Variants in CSMD1 observed in about 807,000 individuals in gnomAD.
CSMD1 encodes CUB and sushi domain-containing protein 1.
CSMD1 carries 213 observed loss-of-function variants against 417.5 expected under a neutral mutation model. The observed-to-expected ratio is 0.51, with a 90% confidence interval of 0.46 to 0.57. The LOEUF (loss-of-function observed/expected upper bound fraction) is 0.57, where lower values mean the gene tolerates loss of function less well. Ranked by LOEUF, CSMD1 falls within the 20% of genes least tolerant of loss-of-function variation. The pLI is 0.00. For synonymous variants in CSMD1, 2,862 were observed against 1,736.8 expected (o/e 1.65, Z -16.11); for missense variants, 6,923 against 4,529.7 (o/e 1.53, Z -15.17).
intron 5 of CSMD1, among the ~76,000 whole-genome samples, chr8:3,777,546 C>T (rs1255445694): frequency 1.3e-5 from 2 of 152,208 alleles, no homozygotes; most frequent in Admixed American, 6.5e-5. Flanking sequence ...GGGCTTTCTC[C>T]TCCAGGCTCC....
At chr8:3,779,202 G>C (rs1346099395) in intron 5 of CSMD1, among the ~76,000 whole-genome samples, 1 of 151,896 alleles carries the variant, frequency 6.6e-6, no homozygotes, top group Non-Finnish European at 1.5e-5. Flanking sequence ...GTATTTGAGA[G>C]GGTGAATAAG....
intron 1 of CSMD1, among the ~76,000 whole-genome samples, chr8:4,662,588 C>T (rs1322493070): frequency 6.6e-6 from 1 of 152,214 alleles, no homozygotes; most frequent in Non-Finnish European, 1.5e-5. Flanking sequence ...ATGTGCCCAA[C>T]AATGCCAGTC....
intron 6 of CSMD1, among the ~76,000 whole-genome samples, chr8:3,713,035 A>G (rs1432360126): frequency 6.6e-6 from 1 of 152,214 alleles, no homozygotes; most frequent in Non-Finnish European, 1.5e-5. Flanking sequence ...AGGTTAAAAA[A>G]AAAATTCCCC....
intron 26 of CSMD1, among the ~76,000 whole-genome samples, chr8:3,245,492 G>C (rs1428266080): frequency 2.0e-5 from 3 of 152,158 alleles, no homozygotes; most frequent in Non-Finnish European, 4.4e-5. Context: ...GTTTACAAAA[G>C]CTAAATAAGC....
At chr8:4,500,581 G>A (rs536881039) in intron 2 of CSMD1, among the ~76,000 whole-genome samples, 24 of 152,108 alleles carry the variant, frequency 1.6e-4, no homozygotes, top group Non-Finnish European at 3.1e-4. Flanking sequence ...AGAAGAACAG[G>A]ATAGCTGTTC....
intron 10 of CSMD1, among the ~76,000 whole-genome samples, chr8:3,544,740 G>A (rs1025045802): frequency 1.3e-5 from 2 of 152,062 alleles, no homozygotes; most frequent in Non-Finnish European, 2.9e-5. Flanking sequence ...CCAGGATGCT[G>A]GGTGGAGACA....
At chr8:3,308,780 A>G (rs1805097189) in intron 23 of CSMD1, among the ~76,000 whole-genome samples, 1 of 133,488 alleles carries the variant, frequency 7.5e-6, no homozygotes, top group Non-Finnish European at 1.5e-5. Context: ...CTGGAGTGCA[A>G]TGGCGTGATC....
chr8:4,761,907 CTATCAATCTAT>C (rs747791858), intron 1 of CSMD1, among the ~76,000 whole-genome samples: 6,123 of 121,516 alleles, frequency 0.05, 187 homozygotes, highest in East Asian at 0.11. Flanking sequence ...ATCTATCTAT[CTATCAATCTAT>C]CTATCTATCT....
In CSMD1 at chr8:4,629,145, T is replaced by C. The variant is rs186565744; in HGVS notation, c.302+8197A>G. On this transcript the variant is annotated intron_variant, in intron 2 of 69. Coordinates refer to ENST00000635120, the MANE Select transcript of CSMD1 (RefSeq NM_033225.6). Reference sequence around the variant, plus strand: ...ATGAAACAAAAAGCATTCCTTTACATTTATTTTGTCATATTTGAATGCATA... The same window carrying C: ...ATGAAACAAAAAGCATTCCTTTACACTTATTTTGTCATATTTGAATGCATA... Among the ~76,000 whole-genome samples, 386 of 152,312 alleles carry C rather than the reference T, an allele frequency of 2.5e-3. 2 individuals are homozygous for C. The highest frequency in any genetic ancestry group is 9.0e-3 in the African/African-American group (373 of 41,568).
chr8:4,595,742 A>G (rs1176928404), intron 2 of CSMD1, among the ~76,000 whole-genome samples: 1 of 152,160 alleles, frequency 6.6e-6, no homozygotes, highest in Non-Finnish European at 1.5e-5. Flanking sequence ...TTTCTAAAAA[A>G]CAAAGCAAAA....
chr8:3,359,022 T>A, intron 21 of CSMD1, 130 bp downstream of exon 21: 1 of 772,374 alleles, frequency 1.3e-6, no homozygotes, highest in South Asian at 1.7e-5. Flanking sequence ...GTTGGCAGAG[T>A]GGAGCCCACA....
chr8:3,760,997 T>C (rs185636110), intron 5 of CSMD1, among the ~76,000 whole-genome samples: 10 of 152,146 alleles, frequency 6.6e-5, no homozygotes, highest in African/African-American at 2.4e-4. Flanking sequence ...GCAATCCAAA[T>C]GATTTGTACT....
At chr8:4,092,399 T>C (rs569214040) in intron 3 of CSMD1, among the ~76,000 whole-genome samples, 3 of 152,284 alleles carry the variant, frequency 2.0e-5, no homozygotes, top group African/African-American at 7.2e-5. Flanking sequence ...CGTAAGGCAA[T>C]GAACTTCATA....
In CSMD1 at chr8:3,284,243, C is replaced by G; in HGVS notation, c.4054G>C (p.Ala1352Pro). The change falls in exon 26 of 70, where the codon GCC becomes CCC. Residue 1352 changes from alanine (A) to proline (P), a missense_variant. Physicochemically the swap from Ala to Pro is conservative, Grantham distance 27. Coordinates refer to ENST00000635120, the MANE Select transcript of CSMD1 (RefSeq NM_033225.6). ...GTGCTGTGGATGTCCTCCGGAAGGG[C>G]GGAGCCACTCCACTCCTTCAGCAGG... is the stretch of plus-strand genomic sequence containing the variant. The part of the protein sequence containing the change: ...DILLKEWSGS[A>P]LPEDIHSTFN... The G allele has an allele frequency of 6.2e-7, 1 of 1,613,584 alleles. No individual in the cohort carries two copies. The highest frequency in any genetic ancestry group is 8.5e-7 in the Non-Finnish European group (1 of 1,179,722).
chr8:4,417,716 C>T (rs547286476), intron 3 of CSMD1, among the ~76,000 whole-genome samples: 7 of 151,900 alleles, frequency 4.6e-5, no homozygotes, highest in African/African-American at 1.7e-4. Flanking sequence ...TCTGAGGTAT[C>T]AGAAAGAGAA....
chr8:4,375,473 G>A (rs938573705), intron 3 of CSMD1, among the ~76,000 whole-genome samples: 1 of 152,130 alleles, frequency 6.6e-6, no homozygotes, highest in African/African-American at 2.4e-5. Context: ...TAGTTTTACA[G>A]TCCATCTTAT....
chr8:4,011,549 G>C (rs1393875817), intron 4 of CSMD1, among the ~76,000 whole-genome samples: 1 of 152,128 alleles, frequency 6.6e-6, no homozygotes, highest in Non-Finnish European at 1.5e-5. Flanking sequence ...CCACATGTCA[G>C]CCACAGCCAG....
intron 12 of CSMD1, among the ~76,000 whole-genome samples, chr8:3,411,879 T>C (rs368933577): frequency 0.16 from 10,189 of 62,708 alleles, 242 homozygotes; most frequent in Middle Eastern, 0.26. Flanking sequence ...TGCACGTATA[T>C]ATACACGTAT....
intron 8 of CSMD1, among the ~76,000 whole-genome samples, chr8:3,589,457 G>C (rs759939320): frequency 5.3e-5 from 8 of 151,936 alleles, no homozygotes; most frequent in Non-Finnish European, 8.8e-5. Flanking sequence ...TTAAAAAAGA[G>C]GAAATCTTGC....
Sources: gnomAD v4.1 joint callset for allele counts (sites outside exome capture counted in the v4.1 genomes callset) on GRCh38, gnomAD v4.1.1 for gene constraint, MANE v1.5 for transcripts, NCBI Gene and HGNC (gene_info 2026-07-23, HGNC 2026-07-21) for gene names.